OTOGL: variants seen among roughly 807,000 people sequenced by gnomAD.
The protein encoded by OTOGL is otogelin-like protein.
A neutral mutation model predicts 318.5 loss-of-function variants in OTOGL; 285 were observed. The observed-to-expected ratio is 0.89, with a 90% CI of 0.81 to 0.99. OTOGL has a LOEUF of 0.99. OTOGL is among the 50% of genes least tolerant of loss of function. The pLI is 0.00. For synonymous variants in OTOGL, 987 were observed against 936.5 expected (o/e 1.05, Z -0.99); for missense variants, 2,899 against 2,845.6 (o/e 1.02, Z -0.43).
chr12:80,366,532 A>ATATAT, intron 52 of OTOGL, 42 bp from the exon 53 acceptor site: 1 of 123,020 alleles, frequency 8.1e-6, no homozygotes, highest in Non-Finnish European at 1.3e-5. Flanking sequence ...TATATATATA[A>ATATAT]AATAAGCTAA....
chr12:80,114,563 A>T lies in OTOGL; in HGVS notation c.-20+14958A>T, dbSNP rs1037969140. Among the ~76,000 whole-genome samples the T allele has an allele frequency of 5.3e-5, 8 of 151,694 alleles. 1 individual carries two copies. The highest frequency in any genetic ancestry group is 5.3e-4 in the Admixed American group (8 of 15,236). ...CTTAACGTTTTTTTCCACCATTTCA[A>T]CCTTGGTGAATCTGACAATTATGTG... On this transcript the variant is annotated intron_variant, in intron 1 of 58. Transcript: ENST00000547103.
At chr12:80,349,410 T>C (rs1289480783) in intron 44 of OTOGL, among the ~76,000 whole-genome samples, 2 of 152,088 alleles carry the variant, frequency 1.3e-5, no homozygotes, top group African/African-American at 4.8e-5. Flanking sequence ...CAGATGGTGA[T>C]AGAAACCATG....
intron 16 of OTOGL, among the ~76,000 whole-genome samples, chr12:80,256,068 C>T (rs1565933632): frequency 6.6e-6 from 1 of 151,794 alleles, no homozygotes; most frequent in Non-Finnish European, 1.5e-5. Flanking sequence ...TGTATGTATA[C>T]ATCTGATATA....
At chr12:80,308,035 C>G (rs1886325978) in intron 29 of OTOGL, among the ~76,000 whole-genome samples, 1 of 139,784 alleles carries the variant, frequency 7.2e-6, no homozygotes, top group Non-Finnish European at 1.6e-5. Flanking sequence ...GGGCGGCTGG[C>G]CGCGCGGGGG....
chr12:80,163,261 A>T (rs1873636058), intron 1 of OTOGL, among the ~76,000 whole-genome samples: 1 of 152,154 alleles, frequency 6.6e-6, no homozygotes, highest in Non-Finnish European at 1.5e-5. Flanking sequence ...ATAATGAACA[A>T]ATAGTTTATG....
chr12:80,292,127 T>C (rs1012857286), intron 26 of OTOGL, among the ~76,000 whole-genome samples: 1 of 152,118 alleles, frequency 6.6e-6, no homozygotes, highest in Admixed American at 6.6e-5. Context: ...TAGCTGGGAT[T>C]ACAGGCATGC....
chr12:80,244,384 T>C (rs1222065349), intron 11 of OTOGL, among the ~76,000 whole-genome samples: 2 of 141,696 alleles, frequency 1.4e-5, no homozygotes, highest in African/African-American at 2.6e-5. Flanking sequence ...TGTGATCTCA[T>C]TGTTCAATTC....
intron 11 of OTOGL, among the ~76,000 whole-genome samples, chr12:80,244,148 G>A (rs55747266): frequency 4.0e-5 from 6 of 150,522 alleles, no homozygotes; most frequent in Non-Finnish European, 5.9e-5. Context: ...GAAGAAGGAC[G>A]AAAGTCCTAT....
chr12:80,163,685 T>C (rs949789417), intron 1 of OTOGL, among the ~76,000 whole-genome samples: 2 of 152,148 alleles, frequency 1.3e-5, no homozygotes, highest in African/African-American at 4.8e-5. Context: ...TAGGCTGGCC[T>C]TGGCTGGGGT....
At chr12:80,199,478 A>C (rs1876310694) in intron 1 of OTOGL, among the ~76,000 whole-genome samples, 1 of 152,166 alleles carries the variant, frequency 6.6e-6, no homozygotes, top group Non-Finnish European at 1.5e-5. Flanking sequence ...CTGAATTGTA[A>C]TCTTTGAAGA....
In OTOGL at chr12:80,268,695, T is replaced by C. The variant is rs77484001; in HGVS notation, c.2465+1368T>C. The stretch of plus-strand genomic sequence containing the variant: ...CCTAATCAGTAAATACCCAGCAACT[T>C]TGGATTTTACTTGATTTTACTTTCT... On this transcript the variant is annotated intron_variant, in intron 22 of 58. Coordinates refer to ENST00000547103, the MANE Select transcript of OTOGL (RefSeq NM_001378609.3). Among the ~76,000 whole-genome samples the C allele has an allele frequency of 3.8e-3, 581 of 152,154 alleles. 24 individuals are homozygous for C. The East Asian group carries it at 0.089, about 23-fold the overall frequency.
intron 1 of OTOGL, among the ~76,000 whole-genome samples, chr12:80,143,186 AT>A (rs1872067899): frequency 6.6e-6 from 1 of 152,182 alleles, no homozygotes; most frequent in Non-Finnish European, 1.5e-5. Context: ...AGAAGTATTA[AT>A]GTATTTGATA....
intron 28 of OTOGL, among the ~76,000 whole-genome samples, chr12:80,304,838 A>G (rs1886004874): frequency 6.6e-6 from 1 of 152,176 alleles, no homozygotes; most frequent in East Asian, 1.9e-4. Context: ...TTGAATTTAG[A>G]CATGCTGAAT....
In OTOGL at chr12:80,378,310, G is replaced by T; in HGVS notation, c.*262G>T. The T allele has an allele frequency of 5.8e-6, 2 of 345,136 alleles. No homozygotes were observed. Among genetic ancestry groups the T allele is most frequent in the Non-Finnish European group, 1.1e-5 (2 of 188,698 alleles). The allele number at this position is 345,136 out of a possible 1,614,324, so 21.4% of individuals were successfully genotyped here. On this transcript the variant is annotated 3_prime_UTR_variant, in exon 59 of 59. Coordinates refer to ENST00000547103, the MANE Select transcript of OTOGL (RefSeq NM_001378609.3). ...GCTGTTATGTATTTAATTACAACTT[G>T]GTGCAGATACAGTATATTCTCATCA...
Position 80,251,801 on chromosome 12 carries a change from T to C in OTOGL, c.1159+2T>C. On this transcript the variant is annotated splice_donor_variant, in intron 12 of 58. Transcript: ENST00000547103. LOFTEE classifies it high-confidence loss of function. ...GGAGAGATGACTTTCCAGCATGCAGTATGTTTTTTTATTTTCCAAGCCCTG... is the reference window on the plus strand; with the variant it reads ...GGAGAGATGACTTTCCAGCATGCAGCATGTTTTTTTATTTTCCAAGCCCTG... 6.4e-7 allele frequency: 1 copy of C among 1,559,806 alleles called. No individual in the cohort carries two copies. The highest frequency in any genetic ancestry group is 1.4e-5 in the African/African-American group (1 of 73,836).
chr12:80,234,962 C>A (rs1199119093), intron 9 of OTOGL, among the ~76,000 whole-genome samples: 1 of 152,032 alleles, frequency 6.6e-6, no homozygotes, highest in East Asian at 1.9e-4. Context: ...GTACTGGGAT[C>A]ATCTCGAAAT....
chr12:80,139,963 C>G (rs1871823736), intron 1 of OTOGL, among the ~76,000 whole-genome samples: 1 of 152,164 alleles, frequency 6.6e-6, no homozygotes, highest in Non-Finnish European at 1.5e-5. Flanking sequence ...ATTTTCCTTT[C>G]CAGTTTCCTA....
At chr12:80,112,514 A>T in intron 1 of OTOGL, among the ~76,000 whole-genome samples, 1 of 151,936 alleles carries the variant, frequency 6.6e-6, no homozygotes, top group African/African-American at 2.4e-5. Flanking sequence ...TGTGGTTTTT[A>T]TCATTGTTTC....
Position 80,149,312 on chromosome 12 carries a change from G to T in OTOGL, c.-20+49707G>T, listed in dbSNP as rs4405384. Among the ~76,000 whole-genome samples the T allele has an allele frequency of 3.5e-3, 527 of 150,714 alleles. 5 individuals carry two copies. The highest frequency in any genetic ancestry group is 0.012 in the African/African-American group (502 of 41,114). ...CTGCAGGTCTGTTGGAGTACCCTGC[G>T]GTGTGAGGTGTCAGTGTGCCCCTGC... On this transcript the variant is annotated intron_variant, in intron 1 of 58. Transcript: ENST00000547103.
Sources: allele counts gnomAD v4.1 joint callset (sites outside exome capture counted in the v4.1 genomes callset), GRCh38; gene constraint gnomAD v4.1.1; transcripts MANE v1.5; gene names NCBI Gene and HGNC (gene_info 2026-07-23, HGNC 2026-07-21).